CDX1: variants seen among roughly 807,000 people sequenced by gnomAD.
The protein encoded by CDX1 is caudal type homeobox 1.
Under a neutral mutation model 16.9 loss-of-function variants are expected in CDX1, and 9 were observed. The ratio of observed to expected loss-of-function variants is 0.53; its 90% CI spans 0.32 to 0.93. The LOEUF is 0.93. Among genes scored for constraint, CDX1 ranks in the 40% least tolerant of loss-of-function variants. CDX1 has a pLI of 0.04. For missense variants in CDX1, 393 were observed against 386.1 expected (o/e 1.02, Z -0.15); for synonymous variants, 179 against 179.0 (o/e 1.00, Z 0.00).
At chr5:150,176,322 G>T (rs936483043) in intron 1 of CDX1, among the ~76,000 whole-genome samples, 6 of 152,204 alleles carry the variant, frequency 3.9e-5, no homozygotes, top group African/African-American at 1.4e-4. Flanking sequence ...CTCTGGACTT[G>T]CTTCCTTATC....
intron 1 of CDX1, among the ~76,000 whole-genome samples, chr5:150,180,330 C>A (rs1289346327): frequency 6.6e-6 from 1 of 152,242 alleles, no homozygotes; most frequent in Non-Finnish European, 1.5e-5. Flanking sequence ...CTATCCCGTG[C>A]TATGCTGGGC....
Position 150,183,613 on chromosome 5 carries a change from G to T in CDX1, c.731G>T (p.Cys244Phe). The T allele has an allele frequency of 1.2e-6, 2 of 1,609,242 alleles. No homozygotes were observed. Among genetic ancestry groups the T allele is most frequent in the Non-Finnish European group, 1.7e-6 (2 of 1,176,836 alleles). ...TPAGPSLGGL[C>F]PSNTSLLATS... The stretch of plus-strand genomic sequence containing the variant: ...GCCGGGCCATCCCTGGGGGGCCTGT[G>T]TCCCAGCAACACCAGCCTCCTGGCC... Residue 244 changes from cysteine (C) to phenylalanine (F), a missense_variant, in exon 3 of 3, where the codon TGT (cysteine) becomes TTT (phenylalanine). By Grantham distance (205) the Cys-to-Phe change is radical (BLOSUM62 -2). Coordinates refer to ENST00000231656, the MANE Select transcript of CDX1 (RefSeq NM_001804.3).
In CDX1 at chr5:150,172,129, C is replaced by T. The variant is rs185915707; in HGVS notation, c.445+4808C>T. On this transcript the variant is annotated intron_variant, in intron 1 of 2. Coordinates refer to ENST00000231656, the MANE Select transcript of CDX1 (RefSeq NM_001804.3). ...CTCCGAGGCTGTCTCCTGTAGGAAG[C>T]CCTCCCTGATTCCTCCTCCCAAGCA... 5.3e-5 allele frequency among the ~76,000 whole-genome samples: 8 copies of T among 152,334 alleles called. No homozygotes were observed. The Middle Eastern group carries it at 0.014, about 259-fold the overall frequency.
At chr5:150,178,375 A>T (rs1405338473) in intron 1 of CDX1, among the ~76,000 whole-genome samples, 1 of 152,174 alleles carries the variant, frequency 6.6e-6, no homozygotes. Context: ...TCACACTGGC[A>T]TCTGGCCCAG....
At chr5:150,175,114 A>G (rs1761553389) in intron 1 of CDX1, among the ~76,000 whole-genome samples, 2 of 151,926 alleles carry the variant, frequency 1.3e-5, no homozygotes, top group African/African-American at 2.4e-5. Context: ...TCTCTGTAGT[A>G]TCATCATCAT....
intron 1 of CDX1, among the ~76,000 whole-genome samples, chr5:150,177,191 T>A (rs959067283): frequency 6.6e-6 from 1 of 152,280 alleles, no homozygotes; most frequent in African/African-American, 2.4e-5. Context: ...GCAGGCCCAG[T>A]GTCTAGACTC....
At chr5:150,169,172 A>G (rs1761472284) in intron 1 of CDX1, among the ~76,000 whole-genome samples, 1 of 151,976 alleles carries the variant, frequency 6.6e-6, no homozygotes, top group South Asian at 2.1e-4. Flanking sequence ...GTAAGGGAAA[A>G]GGAGTGTGTC....
rs748308356 is a variant in CDX1 at position 150,167,155 on chromosome 5, G to A, written c.279G>A (p.Gly93=). 12 of 1,318,432 alleles carry A rather than the reference G, an allele frequency of 9.1e-6. No individual in the cohort carries two copies. Among genetic ancestry groups the A allele is most frequent in the Middle Eastern group, 2.8e-4 (1 of 3,544 alleles). 81.7% of individuals were successfully genotyped at this position (1,318,432 alleles called of 1,614,324 possible). A position where few individuals can be genotyped will look rare whatever the true frequency, so the allele number is the denominator to read the frequency against. ...CCAGCCCAGCTTCGCTGGCATTCGG[G>A]CCCCCTCCAGACTTTAGCCCGGTGC... ...PAASPASLAF[G]PPPDFSPVPA... is the part of the protein sequence containing the mutation. Residue 93 remains glycine (G), a synonymous_variant, in exon 1 of 3, where the codon GGG becomes GGA. Transcript: ENST00000231656.
chr5:150,167,447 C>T, intron 1 of CDX1, 126 bp downstream of exon 1: 1 of 567,714 alleles, frequency 1.8e-6, no homozygotes, highest in South Asian at 9.4e-5. Context: ...CTCCTGTCCA[C>T]TCTCGCCCTG....
chr5:150,170,098 ACTT>A (rs1164386033), intron 1 of CDX1, among the ~76,000 whole-genome samples: 1 of 151,840 alleles, frequency 6.6e-6, no homozygotes, highest in Non-Finnish European at 1.5e-5. Flanking sequence ...GCCATTCCAG[ACTT>A]CTTTTAGTTC....
intron 1 of CDX1, among the ~76,000 whole-genome samples, chr5:150,180,656 C>CAG (rs1208830611): frequency 6.6e-6 from 1 of 151,938 alleles, no homozygotes; most frequent in African/African-American, 2.4e-5. Context: ...GATGGTCTTT[C>CAG]AGAGACCCGC....
chr5:150,183,034 T>A, intron 2 of CDX1, 121 bp downstream of exon 2: 1 of 1,210,768 alleles, frequency 8.3e-7, no homozygotes, highest in Non-Finnish European at 1.1e-6. Context: ...CAGGCCATTG[T>A]CACACAGCAC....
intron 1 of CDX1, among the ~76,000 whole-genome samples, chr5:150,177,611 A>C (rs1761585835): frequency 6.6e-6 from 1 of 152,190 alleles, no homozygotes; most frequent in Non-Finnish European, 1.5e-5. Context: ...GAGTTTTCTC[A>C]TCTGTAAAAT....
At chr5:150,169,185 TG>T (rs1401301982) in intron 1 of CDX1, among the ~76,000 whole-genome samples, 1 of 151,846 alleles carries the variant, frequency 6.6e-6, no homozygotes, top group East Asian at 1.9e-4. Flanking sequence ...AGTGTGTCAG[TG>T]GGGGTCAGGG....
chr5:150,167,767 C>T (rs992419627), intron 1 of CDX1, among the ~76,000 whole-genome samples: 3 of 152,268 alleles, frequency 2.0e-5, no homozygotes, highest in Non-Finnish European at 4.4e-5. Context: ...AGGTGACTTT[C>T]CTGGCCAGGG....
chr5:150,167,085 A>G lies in CDX1; in HGVS notation c.209A>G (p.Asp70Gly). The G allele has an allele frequency of 7.2e-7, 1 of 1,386,798 alleles. No individual in the cohort carries two copies. The highest frequency in any genetic ancestry group is 1.6e-5 in the South Asian group (1 of 61,652). 85.9% of individuals were successfully genotyped at this position (1,386,798 alleles called of 1,614,324 possible). The part of the protein sequence containing the change: ...AWGAPFPAPK[D>G]DWAAAYGPGP... ...GGGGCGCCCTTCCCTGCGCCCAAGG[A>G]CGACTGGGCCGCCGCCTACGGCCCG... Residue 70 changes from aspartate to glycine, a missense_variant, in exon 1 of 3, where the codon GAC becomes GGC. Physicochemically the swap from Asp to Gly is moderately conservative, Grantham distance 94. Transcript: ENST00000231656.
chr5:150,179,027 GC>G (rs1230449306), intron 1 of CDX1, among the ~76,000 whole-genome samples: 1 of 152,114 alleles, frequency 6.6e-6, no homozygotes, highest in Non-Finnish European at 1.5e-5. Context: ...AACAGATGGA[GC>G]TTTGGGCAGC....
intron 1 of CDX1, among the ~76,000 whole-genome samples, chr5:150,178,075 C>T (rs576533010): frequency 2.0e-5 from 3 of 152,200 alleles, no homozygotes; most frequent in South Asian, 2.1e-4. Context: ...CCCATTCTAG[C>T]GCCACTAAAT....
intron 1 of CDX1, among the ~76,000 whole-genome samples, chr5:150,176,492 T>TG (rs1349807482): frequency 6.6e-6 from 1 of 152,150 alleles, no homozygotes; most frequent in East Asian, 1.9e-4. Context: ...GCATGCAGTG[T>TG]GGGTCTCTGA....
Sources: gnomAD v4.1 joint callset for allele counts (sites outside exome capture counted in the v4.1 genomes callset) on GRCh38, gnomAD v4.1.1 for gene constraint, MANE v1.5 for transcripts, NCBI Gene and HGNC (gene_info 2026-07-23, HGNC 2026-07-21) for gene names.